KSR2: variants seen among roughly 807,000 people sequenced by gnomAD.
KSR2 encodes kinase suppressor of ras 2.
In KSR2, 25 loss-of-function variants were observed where a neutral mutation model predicts 107.8. The ratio of observed to expected loss-of-function variants is 0.23; its 90% CI spans 0.17 to 0.32. The LOEUF is 0.32. KSR2 is among the 10% of genes least tolerant of loss of function. The pLI is 1.00. For missense variants in KSR2, 887 were observed against 1,268.9 expected (o/e 0.70, Z 4.57); for synonymous variants, 480 against 507.0 (o/e 0.95, Z 0.71).
chr12:117,873,947 C>T (rs1305163602), intron 1 of KSR2, among the ~76,000 whole-genome samples: 2 of 152,174 alleles, frequency 1.3e-5, no homozygotes, highest in East Asian at 1.9e-4. Context: ...AGTCTTATGT[C>T]TATTCAATCT....
intron 5 of KSR2, among the ~76,000 whole-genome samples, chr12:117,596,215 C>A (rs1307221210): frequency 1.3e-5 from 2 of 152,196 alleles, no homozygotes; most frequent in African/African-American, 4.8e-5. Flanking sequence ...TCTTACATGG[C>A]AGCAGGCAAG....
intron 1 of KSR2, among the ~76,000 whole-genome samples, chr12:117,884,697 CA>C (rs1034311965): frequency 4.6e-5 from 7 of 152,298 alleles, no homozygotes; most frequent in African/African-American, 1.7e-4. Flanking sequence ...ATTACAAACT[CA>C]AGTTAGATGT....
chr12:117,941,458 A>T (rs1896003265), intron 1 of KSR2, among the ~76,000 whole-genome samples: 2 of 152,092 alleles, frequency 1.3e-5, no homozygotes, highest in Admixed American at 1.3e-4. Context: ...ACATTTTTTT[A>T]AAACCAAGCC....
intron 1 of KSR2, among the ~76,000 whole-genome samples, chr12:117,908,067 G>T (rs979487766): frequency 6.6e-6 from 1 of 152,096 alleles, no homozygotes; most frequent in African/African-American, 2.4e-5. Context: ...GATTGACAGC[G>T]ATCAATATAC....
At chr12:117,826,958 G>A (rs1374845965) in intron 3 of KSR2, among the ~76,000 whole-genome samples, 2 of 149,744 alleles carry the variant, frequency 1.3e-5, no homozygotes, top group East Asian at 2.0e-4. Flanking sequence ...ATAGAGGCAC[G>A]TGCCTGTAGT....
chr12:117,850,282 G>T (rs538900756), intron 3 of KSR2, among the ~76,000 whole-genome samples: 2 of 152,286 alleles, frequency 1.3e-5, no homozygotes, highest in East Asian at 3.9e-4. Flanking sequence ...CAAGAGGTCA[G>T]CTCAGTTTGC....
chr12:117,662,479 C>T (rs1884477376), intron 5 of KSR2, among the ~76,000 whole-genome samples: 1 of 152,182 alleles, frequency 6.6e-6, no homozygotes, highest in African/African-American at 2.4e-5. Context: ...CTGACTCAGC[C>T]TCAAGGTACA....
At chr12:117,656,966 A>ATATATATATATATATATAATAGGAGT in intron 5 of KSR2, among the ~76,000 whole-genome samples, 1 of 116,750 alleles carries the variant, frequency 8.6e-6, no homozygotes, top group East Asian at 2.3e-4. Context: ...ATAATAGGAT[A>ATATATATATATATATATAATAGGAGT]TATATATATA....
intron 1 of KSR2, among the ~76,000 whole-genome samples, chr12:117,864,079 C>G (rs117398427): frequency 6.6e-6 from 1 of 152,052 alleles, no homozygotes; most frequent in African/African-American, 2.4e-5. Context: ...TGTTATTTAG[C>G]CCACCACACC....
intron 5 of KSR2, among the ~76,000 whole-genome samples, chr12:117,659,158 T>C (rs547122600): frequency 1.3e-5 from 2 of 152,268 alleles, no homozygotes; most frequent in East Asian, 1.9e-4. Context: ...TGACAGCATG[T>C]ACCTGACCGA....
chr12:117,667,239 G>A lies in KSR2; in HGVS notation c.1171+235C>T, dbSNP rs537048358. On this transcript the variant is annotated intron_variant, in intron 5 of 19. Transcript: ENST00000339824. ...AACTGGGGACCAACGACAACACCCA[G>A]TCAACCTCCCCAGCGTCAGTTATGC... is the stretch of plus-strand genomic sequence containing the variant. 4.6e-5 allele frequency among the ~76,000 whole-genome samples: 7 copies of A among 152,266 alleles called. No homozygotes were observed. In the East Asian group the frequency reaches 1.2e-3, roughly 25 times the overall value.
chr12:117,586,937 A>C (rs1880037721), intron 5 of KSR2, among the ~76,000 whole-genome samples: 1 of 152,236 alleles, frequency 6.6e-6, no homozygotes, highest in African/African-American at 2.4e-5. Flanking sequence ...ACAGATGGGA[A>C]TATTGAGGCT....
At chr12:117,475,312 C>T (rs1157218563) in intron 17 of KSR2, among the ~76,000 whole-genome samples, 1 of 152,192 alleles carries the variant, frequency 6.6e-6, no homozygotes, top group Non-Finnish European at 1.5e-5. Flanking sequence ...GCTTCCCTCT[C>T]TAGTCTCTTA....
intron 4 of KSR2, among the ~76,000 whole-genome samples, chr12:117,758,765 A>G (rs1888889271): frequency 6.6e-6 from 1 of 152,190 alleles, no homozygotes; most frequent in Admixed American, 6.5e-5. Flanking sequence ...CTTGGCCTCC[A>G]TCTTGCAGAT....
At chr12:117,817,890 C>T (rs1891429408) in intron 3 of KSR2, among the ~76,000 whole-genome samples, 1 of 152,144 alleles carries the variant, frequency 6.6e-6, no homozygotes, top group Non-Finnish European at 1.5e-5. Flanking sequence ...CACTTGAGGT[C>T]AGGAGTTCAA....
At chr12:117,776,999 C>A (rs866983024) in intron 3 of KSR2, among the ~76,000 whole-genome samples, 1 of 150,704 alleles carries the variant, frequency 6.6e-6, no homozygotes, top group African/African-American at 2.4e-5. Flanking sequence ...TTCCTGCGAG[C>A]CTCTGGTCAT....
chr12:117,577,129 G>T (rs1879328810), intron 7 of KSR2, among the ~76,000 whole-genome samples: 1 of 152,162 alleles, frequency 6.6e-6, no homozygotes, highest in Admixed American at 6.5e-5. Context: ...CTATCTTGGG[G>T]CAGGGATGTG....
At chr12:117,736,841 A>T (rs1324940660) in intron 4 of KSR2, among the ~76,000 whole-genome samples, 1 of 152,024 alleles carries the variant, frequency 6.6e-6, no homozygotes, top group African/African-American at 2.4e-5. Flanking sequence ...AAGAAAAGAA[A>T]ATTAAAAAGA....
intron 14 of KSR2, among the ~76,000 whole-genome samples, chr12:117,508,481 G>A (rs746585449): frequency 6.6e-6 from 1 of 152,098 alleles, no homozygotes; most frequent in Non-Finnish European, 1.5e-5. Context: ...GAATGGATAG[G>A]TGGGAGGGTT....
Sources: gnomAD v4.1 joint callset for allele counts (sites outside exome capture counted in the v4.1 genomes callset) on GRCh38, gnomAD v4.1.1 for gene constraint, MANE v1.5 for transcripts, NCBI Gene and HGNC (gene_info 2026-07-23, HGNC 2026-07-21) for gene names.